Variants in SHISAL2A observed in about 807,000 individuals in gnomAD.
The protein encoded by SHISAL2A is shisa like 2A, also known as protein shisa-like-2A.
In SHISAL2A, 18 loss-of-function variants were observed where a neutral mutation model predicts 11.5. That is an observed-to-expected ratio of 1.57 (90% CI 1.08 to 2.33). The LOEUF (loss-of-function observed/expected upper bound fraction) is 2.33, where lower values mean the gene tolerates loss of function less well. Among genes scored for constraint, SHISAL2A ranks in the 30% most tolerant of loss-of-function variants. The probability of loss-of-function intolerance (pLI) is 0.00; values close to 1 mark genes in which losing one functional copy is unlikely to be tolerated. For synonymous variants in SHISAL2A, 94 were observed against 99.6 expected (o/e 0.94, Z 0.34); for missense variants, 261 against 250.9 (o/e 1.04, Z -0.27).
intron 1 of SHISAL2A, among the ~76,000 whole-genome samples, chr1:52,638,392 A>T (rs1452118801): frequency 1.3e-5 from 2 of 152,246 alleles, no homozygotes; most frequent in African/African-American, 4.8e-5. Flanking sequence ...ACGAACAGTA[A>T]GCATATCTCA....
intron 2 of SHISAL2A, among the ~76,000 whole-genome samples, chr1:52,648,105 A>G (rs1162282765): frequency 2.0e-5 from 3 of 148,016 alleles, no homozygotes. Context: ...TATCTAATAT[A>G]TAATTATATA....
chr1:52,638,742 C>A (rs1057141405), intron 1 of SHISAL2A, among the ~76,000 whole-genome samples: 7 of 152,216 alleles, frequency 4.6e-5, no homozygotes, highest in Non-Finnish European at 7.3e-5. Flanking sequence ...GTTATCCCAC[C>A]TGACGGCCAG....
intron 2 of SHISAL2A, among the ~76,000 whole-genome samples, chr1:52,649,439 A>G: frequency 6.6e-6 from 1 of 152,130 alleles, no homozygotes; most frequent in Non-Finnish European, 1.5e-5. Context: ...CTGAGTATGG[A>G]GGCAAGGGTG....
chr1:52,638,182 C>G (rs982093611), intron 1 of SHISAL2A, among the ~76,000 whole-genome samples: 2 of 152,102 alleles, frequency 1.3e-5, no homozygotes, highest in African/African-American at 4.8e-5. Flanking sequence ...TGACTGACCT[C>G]CGATCTGGAA....
chr1:52,656,961 C>T lies in SHISAL2A; in HGVS notation c.494C>T (p.Thr165Ile), dbSNP rs780102564. ...CTCCTCCATCATTGCTTCATGGCCA[C>T]AGTGACCACCAGTGACATTCCAGGC... is the stretch of plus-strand genomic sequence containing the variant. The part of the protein sequence containing the change: ...KRLLHHCFMA[T>I]VTTSDIPGSP... Residue 165 changes from threonine to isoleucine, a missense_variant, in exon 3 of 3, where the codon ACA becomes ATA. Thr to Ile is a moderately conservative substitution (Grantham distance 89). Coordinates refer to ENST00000517870, the MANE Select transcript of SHISAL2A (RefSeq NM_001042693.3). 4.3e-6 allele frequency: 7 copies of T among 1,614,194 alleles called. No homozygotes were observed. The Admixed American group carries it at 1.2e-4, about 27-fold the overall frequency.
exon 6 of SHISAL2A, chr1:52,668,834 G>A (rs538336025): frequency 6.6e-6 from 1 of 152,480 alleles, no homozygotes; most frequent in African/African-American, 2.4e-5. Flanking sequence ...CAAGGATCCT[G>A]AGTCTCCTTC....
chr1:52,642,586 C>G (rs1691391004), intron 1 of SHISAL2A, among the ~76,000 whole-genome samples: 1 of 152,082 alleles, frequency 6.6e-6, no homozygotes. Context: ...GAGCCCACTA[C>G]CACATCCAGC....
At chr1:52,657,110 AC>A, downstream of SHISAL2A, 1 of 1,506,562 alleles carries the variant, frequency 6.6e-7, no homozygotes, top group Non-Finnish European at 8.9e-7. Flanking sequence ...GTGGGAAAGG[AC>A]TTTAGAGCCT....
Position 52,655,453 on chromosome 1 carries a change from A to C in SHISAL2A, c.323-1337A>C, listed in dbSNP as rs912313427. 1.3e-3 allele frequency among the ~76,000 whole-genome samples: 63 copies of C among 47,926 alleles called. No individual in the cohort carries two copies. The South Asian group carries it at 0.023, about 17-fold the overall frequency. 31.4% of individuals were successfully genotyped at this position (47,926 alleles called of 152,430 possible). On this transcript the variant is annotated intron_variant, in intron 2 of 2. Transcript: ENST00000517870. ...AAATATAATGAGACCCTGTATCTACAAAAAAAAAAAAAAAAAAAAAAAAAA... is the reference window on the plus strand; with the variant it reads ...AAATATAATGAGACCCTGTATCTACCAAAAAAAAAAAAAAAAAAAAAAAAA...
At chr1:52,660,796 T>C (rs1057266966), downstream of SHISAL2A, among the ~76,000 whole-genome samples, 4 of 152,192 alleles carry the variant, frequency 2.6e-5, no homozygotes, top group Admixed American at 2.6e-4. Flanking sequence ...CCATTCAACA[T>C]TGATTGACAA....
intron 2 of SHISAL2A, among the ~76,000 whole-genome samples, chr1:52,650,778 G>T (rs1691621192): frequency 6.7e-6 from 1 of 149,790 alleles, no homozygotes; most frequent in African/African-American, 2.5e-5. Context: ...TCATGTAGCT[G>T]AGGCTACAGG....
chr1:52,668,229 T>C (rs1159988305), intron 5 of SHISAL2A, among the ~76,000 whole-genome samples: 1 of 152,154 alleles, frequency 6.6e-6, no homozygotes, highest in Non-Finnish European at 1.5e-5. Flanking sequence ...CTGGGGAAAG[T>C]CTGAAGGTAA....
downstream of SHISAL2A, among the ~76,000 whole-genome samples, chr1:52,660,056 C>A (rs796798381): frequency 2.0e-5 from 3 of 152,228 alleles, no homozygotes; most frequent in African/African-American, 7.2e-5. Context: ...CTCAGTAGGT[C>A]AGGAGTAAGT....
chr1:52,650,316 C>T (rs915848076), intron 2 of SHISAL2A, among the ~76,000 whole-genome samples: 2 of 152,166 alleles, frequency 1.3e-5, no homozygotes, highest in Non-Finnish European at 2.9e-5. Context: ...GGGGACTGGC[C>T]ACGGAGGTCC....
In SHISAL2A at chr1:52,633,663, T is replaced by A. The variant is rs1469328817; in HGVS notation, c.170T>A (p.Met57Lys). The A allele has an allele frequency of 6.2e-7, 1 of 1,611,578 alleles. No homozygotes were observed. The highest frequency in any genetic ancestry group is 1.1e-5 in the South Asian group (1 of 90,814). ...TTCTTCCCCTACGAGCACAGCTACA[T>A]GTGGTGGCTCAGGTACCGTCCCTGG... ...HSFFPYEHSY[M>K]WWLSIGALIG... The change falls in exon 1 of 3, where the codon ATG becomes AAG. Residue 57 changes from methionine (M) to lysine (K), a missense_variant. Coordinates refer to ENST00000517870, the MANE Select transcript of SHISAL2A (RefSeq NM_001042693.3). The surrounding 1 kb of genome is among the most constrained non-coding windows in gnomAD (Gnocchi z 6.4).
intron 2 of SHISAL2A, among the ~76,000 whole-genome samples, chr1:52,655,205 TAAAAC>T (rs1479113879): frequency 1.3e-5 from 2 of 150,616 alleles, no homozygotes; most frequent in African/African-American, 2.4e-5. Flanking sequence ...AATAAATAAA[TAAAAC>T]AAAATATATA....
Position 52,641,255 on chromosome 1 carries a change from A to G in SHISAL2A, c.183-1608A>G, listed in dbSNP as rs189342212. 3.9e-5 allele frequency among the ~76,000 whole-genome samples: 6 copies of G among 152,280 alleles called. No homozygotes were observed. In the East Asian group the frequency reaches 9.6e-4, roughly 24 times the overall value. ...ACCCCAAGGAAGGGGCAATGGGCACACTGATTTATAGCTGGTGGGTCAGAA... is the reference window on the plus strand; with the variant it reads ...ACCCCAAGGAAGGGGCAATGGGCACGCTGATTTATAGCTGGTGGGTCAGAA... On this transcript the variant is annotated intron_variant, in intron 1 of 2. Transcript: ENST00000517870.
intron 1 of SHISAL2A, chr1:52,640,180 CAG>C (rs953573088): frequency 3.9e-5 from 6 of 152,286 alleles, no homozygotes; most frequent in African/African-American, 1.4e-4. Context: ...CATGGGAAGG[CAG>C]ACTCTTCAAA....
intron 2 of SHISAL2A, among the ~76,000 whole-genome samples, chr1:52,646,199 T>C (rs1194945310): frequency 1.3e-5 from 2 of 152,032 alleles, no homozygotes; most frequent in Admixed American, 1.3e-4. Flanking sequence ...CAGCCTACAA[T>C]AAAGAGGACA....
Sources: gnomAD v4.1 joint callset for allele counts (sites outside exome capture counted in the v4.1 genomes callset) on GRCh38, gnomAD v4.1.1 for gene constraint, Gnocchi (gnomAD v3.1) non-coding constraint, MANE v1.5 for transcripts, NCBI Gene and HGNC (gene_info 2026-07-23, HGNC 2026-07-21) for gene names.